Variants in CRTC1 observed in about 807,000 individuals in gnomAD.
CRTC1 encodes CREB-regulated transcription coactivator 1.
In CRTC1, 18 loss-of-function variants were observed where a neutral mutation model predicts 66.1. The observed-to-expected ratio is 0.27, with a 90% CI of 0.19 to 0.40. CRTC1 has a LOEUF of 0.40. Ranked by LOEUF, CRTC1 falls within the 10% of genes least tolerant of loss-of-function variation. The pLI is 1.00. For missense variants in CRTC1, 669 were observed against 887.9 expected (o/e 0.75, Z 3.13); for synonymous variants, 416 against 398.8 (o/e 1.04, Z -0.51).
chr19:18,765,592 C>T (rs2054713454), intron 9 of CRTC1, 64 bp downstream of exon 9: 5 of 1,499,894 alleles, frequency 3.3e-6, no homozygotes, highest in Non-Finnish European at 3.6e-6. Flanking sequence ...CTGGCTCTAC[C>T]TCTTAGAAGG....
rs1003824761 is a variant in CRTC1 at position 18,759,416 on chromosome 19, C to T, written c.625-135C>T. ...TCCTCCATCTGTGGGGCTCTGCGGCCCCAGCAAGCTTGGTTCTCATGATGC... is the reference window on the plus strand; with the variant it reads ...TCCTCCATCTGTGGGGCTCTGCGGCTCCAGCAAGCTTGGTTCTCATGATGC... On this transcript the variant is annotated intron_variant, in intron 6 of 13. Transcript: ENST00000321949. 6.5e-6 allele frequency: 6 copies of T among 919,540 alleles called. No homozygotes were observed. The Admixed American group carries it at 9.2e-5, about 14-fold the overall frequency. 57.0% of individuals were successfully genotyped at this position (919,540 alleles called of 1,614,324 possible). A position where few individuals can be genotyped will look rare whatever the true frequency, so the allele number is the denominator to read the frequency against.
intron 1 of CRTC1, among the ~76,000 whole-genome samples, chr19:18,686,539 C>T (rs368960029): frequency 3.0e-4 from 46 of 152,214 alleles, no homozygotes; most frequent in African/African-American, 9.6e-4. Flanking sequence ...CCCAGCTACT[C>T]GGGAGGCTTA....
intron 6 of CRTC1, among the ~76,000 whole-genome samples, chr19:18,757,440 G>A (rs2054514437): frequency 6.6e-6 from 1 of 152,218 alleles, no homozygotes; most frequent in South Asian, 2.1e-4. Context: ...GTCTGTGAGC[G>A]GTGGGGGCTT....
At chr19:18,761,522 G>A (rs1356437715) in intron 8 of CRTC1, among the ~76,000 whole-genome samples, 2 of 152,256 alleles carry the variant, frequency 1.3e-5, no homozygotes, top group African/African-American at 2.4e-5. Flanking sequence ...AGGCTTGGAA[G>A]GCAGCACCAG....
At chr19:18,739,516 C>T (rs1212323108) in intron 1 of CRTC1, among the ~76,000 whole-genome samples, 1 of 152,196 alleles carries the variant, frequency 6.6e-6, no homozygotes, top group Non-Finnish European at 1.5e-5. Context: ...ATTCATTCAC[C>T]CCCTCACATC....
intron 9 of CRTC1, among the ~76,000 whole-genome samples, chr19:18,766,301 T>TA: frequency 2.7e-5 from 4 of 150,264 alleles, no homozygotes; most frequent in African/African-American, 9.8e-5. Context: ...TTTTTTTTTT[T>TA]TTTTTTTTGG....
intron 1 of CRTC1, among the ~76,000 whole-genome samples, chr19:18,690,675 G>A (rs1465112579): frequency 6.6e-6 from 1 of 152,142 alleles, no homozygotes; most frequent in African/African-American, 2.4e-5. Context: ...GTAAGGATCT[G>A]GAGATGAGAT....
rs561824645 is a variant in CRTC1 at position 18,733,451 on chromosome 19, G to A, written c.127-9459G>A. 3.9e-5 allele frequency among the ~76,000 whole-genome samples: 6 copies of A among 152,340 alleles called. No individual in the cohort carries two copies. The East Asian group carries it at 7.7e-4, about 20-fold the overall frequency. On this transcript the variant is annotated intron_variant, in intron 1 of 13. Coordinates refer to ENST00000321949, the MANE Select transcript of CRTC1 (RefSeq NM_015321.3). The stretch of plus-strand genomic sequence containing the variant: ...AAATTTGGCAGCAGCAACCATGCCT[G>A]ATAAAAGGCATTCCGAGGCAGGCCT...
chr19:18,753,149 AC>A (rs1335401241), intron 5 of CRTC1, among the ~76,000 whole-genome samples: 1 of 151,820 alleles, frequency 6.6e-6, no homozygotes, highest in Non-Finnish European at 1.5e-5. Flanking sequence ...CGTGGCGGGC[AC>A]CTGTAGTCCC....
intron 1 of CRTC1, among the ~76,000 whole-genome samples, chr19:18,693,551 A>G (rs1281670255): frequency 4.2e-5 from 6 of 141,572 alleles, no homozygotes; most frequent in African/African-American, 1.6e-4. Context: ...GTGTGATCTC[A>G]GCTCACTGCA....
chr19:18,717,017 G>A lies in CRTC1; in HGVS notation c.127-25893G>A, dbSNP rs112800817. Among the ~76,000 whole-genome samples the A allele has an allele frequency of 2.3e-3, 351 of 152,234 alleles. 1 individual carries two copies. Among genetic ancestry groups the A allele is most frequent in the African/African-American group, 7.9e-3 (330 of 41,564 alleles). Reference sequence around the variant, plus strand: ...GACAGGAGTGTGAGCATGTGTGTGTGCGTGTGAGCATATGTGCATGCACGT... The same window carrying A: ...GACAGGAGTGTGAGCATGTGTGTGTACGTGTGAGCATATGTGCATGCACGT... On this transcript the variant is annotated intron_variant, in intron 1 of 13. Transcript: ENST00000321949.
chr19:18,691,997 G>GCCACCGCGCTCGGTCTTCC (rs1483546480), intron 1 of CRTC1, among the ~76,000 whole-genome samples: 5 of 152,086 alleles, frequency 3.3e-5, no homozygotes. Flanking sequence ...ACAGGTGTGA[G>GCCACCGCGCTCGGTCTTCC]CCACCGCGCT....
chr19:18,765,682 C>T (rs1344496369), intron 9 of CRTC1, among the ~76,000 whole-genome samples, 154 bp downstream of exon 9: 2 of 152,138 alleles, frequency 1.3e-5, no homozygotes, highest in Admixed American at 6.5e-5. Flanking sequence ...ATTTTCAAGC[C>T]GGGTGCCGTA....
chr19:18,776,682 C>T (rs894780545), intron 13 of CRTC1, among the ~76,000 whole-genome samples: 5 of 152,264 alleles, frequency 3.3e-5, no homozygotes, highest in Non-Finnish European at 5.9e-5. Flanking sequence ...GTTTCAGCCC[C>T]ATTTCTCAGA....
At chr19:18,731,208 G>T (rs965341114) in intron 1 of CRTC1, among the ~76,000 whole-genome samples, 1 of 152,210 alleles carries the variant, frequency 6.6e-6, no homozygotes, top group African/African-American at 2.4e-5. Flanking sequence ...CAATAGAAAT[G>T]TCTTGTCTCT....
chr19:18,728,830 T>TTTTTTTTTTTTTTA (rs1568503830), intron 1 of CRTC1, among the ~76,000 whole-genome samples: 1 of 140,068 alleles, frequency 7.1e-6, no homozygotes, highest in African/African-American at 2.7e-5. Flanking sequence ...TTTTTTTTTT[T>TTTTTTTTTTTTTTA]GAGACAGAGT....
chr19:18,717,835 T>C (rs1186172829), intron 1 of CRTC1, among the ~76,000 whole-genome samples: 1 of 151,524 alleles, frequency 6.6e-6, no homozygotes, highest in Non-Finnish European at 1.5e-5. Context: ...CGGGGGTGCG[T>C]GTGTGAGGCA....
chr19:18,758,157 G>T (rs58108288), intron 6 of CRTC1, among the ~76,000 whole-genome samples: 3 of 150,654 alleles, frequency 2.0e-5, no homozygotes, highest in South Asian at 2.1e-4. Context: ...GTCAGGAGAT[G>T]GAGACCCTCC....
At chr19:18,700,833 C>T (rs1268119363) in intron 1 of CRTC1, among the ~76,000 whole-genome samples, 1 of 152,204 alleles carries the variant, frequency 6.6e-6, no homozygotes, top group Non-Finnish European at 1.5e-5. Flanking sequence ...CTCGGAACCT[C>T]GGAGGGGCTC....
Sources: allele counts gnomAD v4.1 joint callset (sites outside exome capture counted in the v4.1 genomes callset), GRCh38; gene constraint gnomAD v4.1.1; transcripts MANE v1.5; gene names NCBI Gene and HGNC (gene_info 2026-07-23, HGNC 2026-07-21).